DENND2A: variants seen among roughly 807,000 people sequenced by gnomAD.
DENND2A encodes DENN domain containing 2A, also known as DENN domain-containing protein 2A.
Under a neutral mutation model 105.3 loss-of-function variants are expected in DENND2A, and 53 were observed. The observed-to-expected ratio is 0.50, with a 90% CI of 0.40 to 0.63. DENND2A has a LOEUF of 0.63. DENND2A is among the 30% of genes least tolerant of loss of function. DENND2A has a pLI of 0.00. For synonymous variants in DENND2A, 522 were observed against 508.4 expected, an observed-to-expected ratio of 1.03 and a Z score of -0.36; for missense variants, 1,138 against 1,279.6, an observed-to-expected ratio of 0.89 and a Z score of 1.69.
chr7:140,551,393 G>C (rs1045542549), intron 12 of DENND2A, among the ~76,000 whole-genome samples: 2 of 152,072 alleles, frequency 1.3e-5, no homozygotes, highest in Admixed American at 6.6e-5. Flanking sequence ...TTGCCATGCG[G>C]GTTCTCTGGC....
intron 5 of DENND2A, 102 bp from the exon 6 acceptor site, chr7:140,574,110 A>G: frequency 7.4e-7 from 1 of 1,354,920 alleles, no homozygotes. Context: ...TGAGAAGAGG[A>G]ACTGGTCTAT....
chr7:140,557,642 C>T (rs1473531011), intron 11 of DENND2A, among the ~76,000 whole-genome samples: 8 of 139,040 alleles, frequency 5.8e-5, no homozygotes, highest in Non-Finnish European at 1.1e-4. Context: ...CGGGTTCACG[C>T]CATTCTCCTG....
Position 140,559,731 on chromosome 7 carries a change from C to T in DENND2A, c.1866G>A (p.Trp622Ter), listed in dbSNP as rs1797537860. The T allele has an allele frequency of 6.2e-7, 1 of 1,613,980 alleles. No individual in the cohort carries two copies. The highest frequency in any genetic ancestry group is 1.7e-5 in the Admixed American group (1 of 59,990). The change falls in exon 10 of 20, where the codon TGG becomes TGA. Residue 622 changes from tryptophan to a stop codon, truncating the protein, a stop_gained. Coordinates refer to ENST00000496613, the MANE Select transcript of DENND2A (RefSeq NM_015689.5). LOFTEE classifies it high-confidence loss of function. The surrounding 1 kb of genome is among the most constrained non-coding windows in gnomAD (Gnocchi z 4.1). ...PQFCFPDAKDWVPVQQFTSET... is the reference protein window; with the variant it reads ...PQFCFPDAKD ...ACCTGGTGAACTGCTGGACAGGAAC[C>T]CAATCCTTGGCATCGGGAAAACAGA...
At chr7:140,574,146 T>C (rs1248850673) in intron 5 of DENND2A, 138 bp from the exon 6 acceptor site, 21 of 901,602 alleles carry the variant, frequency 2.3e-5, no homozygotes, top group Non-Finnish European at 3.5e-5. Context: ...GGAGTTTGGT[T>C]ATGCCAGTAA....
At chr7:140,618,185 T>G (rs1275178232) in intron 1 of DENND2A, among the ~76,000 whole-genome samples, 33 of 152,178 alleles carry the variant, frequency 2.2e-4, no homozygotes, top group Non-Finnish European at 1.5e-5. Context: ...CCATAAATCA[T>G]TAAAGCATGA....
At chr7:140,617,514 C>A (rs1177955137) in intron 1 of DENND2A, among the ~76,000 whole-genome samples, 9 of 152,046 alleles carry the variant, frequency 5.9e-5, no homozygotes, top group Non-Finnish European at 1.2e-4. Context: ...CACTTGAGTT[C>A]GAGACCAGCC....
At chr7:140,591,659 CTT>C (rs1799024508) in intron 3 of DENND2A, among the ~76,000 whole-genome samples, 2 of 147,406 alleles carry the variant, frequency 1.4e-5, no homozygotes, top group Admixed American at 1.3e-4. Flanking sequence ...TCCTTCCTTT[CTT>C]TCTTTCTTTC....
intron 1 of DENND2A, among the ~76,000 whole-genome samples, chr7:140,614,644 C>T (rs796251901): frequency 7.9e-5 from 12 of 151,982 alleles, no homozygotes; most frequent in African/African-American, 2.9e-4. Context: ...GAAGAGCAGG[C>T]AAAAAATAGA....
In DENND2A at chr7:140,527,362, G is replaced by C; in HGVS notation, c.2461C>G (p.Leu821Val). Residue 821 changes from leucine to valine, a missense_variant, in exon 15 of 20, where the codon CTC (leucine) becomes GTC (valine). Physicochemically the swap from Leu to Val is conservative, Grantham distance 32 (BLOSUM62 1). Coordinates refer to ENST00000496613, the MANE Select transcript of DENND2A (RefSeq NM_015689.5). The surrounding 1 kb of genome is among the most constrained non-coding windows in gnomAD (Gnocchi z 4.9). The part of the protein sequence containing the change: ...CSPTPFLIGL[L>V]SSSLPLLREL... The stretch of plus-strand genomic sequence containing the variant: ...CTGAGCAGTGGCAGCGAGCTGGAGA[G>C]CAGCCCGATGAGGAAGGGCGTCGGC... The C allele has an allele frequency of 6.2e-7, 1 of 1,602,702 alleles. No homozygotes were observed.
At chr7:140,565,259 T>G (rs1457260264) in intron 9 of DENND2A, among the ~76,000 whole-genome samples, 1 of 151,982 alleles carries the variant, frequency 6.6e-6, no homozygotes, top group Non-Finnish European at 1.5e-5. Context: ...GCTCCCTCCC[T>G]TCTGCCCTCC....
intron 10 of DENND2A, among the ~76,000 whole-genome samples, chr7:140,558,509 A>G (rs1797475695): frequency 1.3e-5 from 2 of 152,074 alleles, no homozygotes; most frequent in Non-Finnish European, 2.9e-5. Context: ...CCGCCTGGCC[A>G]ATAGGGTGAA....
At position 140,546,903 on chromosome 7, in the gene DENND2A, G is replaced by A. The variant is rs1263106569; in HGVS notation, c.2074C>T (p.Pro692Ser). Residue 692 changes from proline to serine, a missense_variant, in exon 13 of 20, where the codon CCT becomes TCT. Pro to Ser is a moderately conservative substitution (Grantham distance 74). Coordinates refer to ENST00000496613, the MANE Select transcript of DENND2A (RefSeq NM_015689.5). ...CTCATGAGTGGCTGAACCAGGGCAG[G>A]AGAGATGCCTCGTCTTTTTTCCACC... Reference protein sequence around the residue: ...DEVEKRRGISPALVQPLMRSV... With the variant: ...DEVEKRRGISSALVQPLMRSV... 2 of 1,613,940 alleles carry A rather than the reference G, an allele frequency of 1.2e-6. No individual in the cohort carries two copies. Among genetic ancestry groups the A allele is most frequent in the Non-Finnish European group, 1.7e-6 (2 of 1,179,864 alleles).
At chr7:140,624,196 T>C (rs1357455943) in intron 1 of DENND2A, among the ~76,000 whole-genome samples, 1 of 152,106 alleles carries the variant, frequency 6.6e-6, no homozygotes, top group African/African-American at 2.4e-5. Flanking sequence ...CTGTTGGGAG[T>C]GACGCCTGTG....
At chr7:140,525,703 A>G (rs1194373514) in intron 16 of DENND2A, 48 bp downstream of exon 16, 1 of 1,547,124 alleles carries the variant, frequency 6.5e-7, no homozygotes, top group Non-Finnish European at 8.8e-7. Context: ...CCAAACAACA[A>G]ATAGGTAAAG....
At chr7:140,522,219 C>A in intron 17 of DENND2A, 119 bp from the exon 18 acceptor site, 1 of 1,325,632 alleles carries the variant, frequency 7.5e-7, no homozygotes, top group South Asian at 1.5e-5. Context: ...ATGGAAACTG[C>A]GATTATCCAG....
At chr7:140,600,425 T>G (rs1585729599) in intron 3 of DENND2A, among the ~76,000 whole-genome samples, 1 of 151,970 alleles carries the variant, frequency 6.6e-6, no homozygotes, top group African/African-American at 2.4e-5. Flanking sequence ...AGGTTCGGGG[T>G]GTGCTCTGAC....
chr7:140,557,010 T>C (rs1056972263), intron 11 of DENND2A, among the ~76,000 whole-genome samples: 5 of 152,148 alleles, frequency 3.3e-5, no homozygotes, highest in Admixed American at 6.6e-5. Context: ...ATTCTGAATG[T>C]TCTCTCTAAG....
chr7:140,588,543 A>G (rs1798880402), intron 3 of DENND2A, among the ~76,000 whole-genome samples: 2 of 152,150 alleles, frequency 1.3e-5, no homozygotes, highest in Non-Finnish European at 2.9e-5. Flanking sequence ...GTCTTATTAC[A>G]GTATAGACAG....
At chr7:140,584,056 A>G (rs1798670197) in intron 5 of DENND2A, among the ~76,000 whole-genome samples, 1 of 149,198 alleles carries the variant, frequency 6.7e-6, no homozygotes, top group African/African-American at 2.6e-5. Context: ...AGCCTGGCCA[A>G]CATGGTGAAA....
Sources: gnomAD v4.1 joint callset for allele counts (sites outside exome capture counted in the v4.1 genomes callset) on GRCh38, gnomAD v4.1.1 for gene constraint, Gnocchi (gnomAD v3.1) non-coding constraint, MANE v1.5 for transcripts, NCBI Gene and HGNC (gene_info 2026-07-23, HGNC 2026-07-21) for gene names.